STPG3: variants seen among roughly 807,000 people sequenced by gnomAD.
STPG3 encodes protein STPG3.
STPG3 carries 39 observed loss-of-function variants against 32.5 expected under a neutral mutation model. The ratio of observed to expected loss-of-function variants is 1.20; its 90% CI spans 0.93 to 1.57. The LOEUF is 1.57. STPG3 is among the 40% of genes most tolerant of loss of function. The pLI is 0.00. For missense variants in STPG3, 507 were observed against 407.6 expected, an observed-to-expected ratio of 1.24 and a Z score of -2.10; for synonymous variants, 209 against 172.4, an observed-to-expected ratio of 1.21 and a Z score of -1.66.
chr9:137,252,054 A>G lies in STPG3; in HGVS notation c.322A>G (p.Arg108Gly). 1 of 1,612,986 alleles carries G rather than the reference A, an allele frequency of 6.2e-7. No homozygotes were observed. Among genetic ancestry groups the G allele is most frequent in the South Asian group, 1.1e-5 (1 of 91,042 alleles). ...TADLEVPSPT[R>G]YQVPSPSVRE... ...TGACCTGGAAGTCCCCAGCCCCACCAGGTACCAGGTGCCGAGCCCGTCCGT... is the reference window on the plus strand; with the variant it reads ...TGACCTGGAAGTCCCCAGCCCCACCGGGTACCAGGTGCCGAGCCCGTCCGT... The change falls in exon 3 of 6, where the codon AGG becomes GGG. Residue 108 changes from arginine to glycine, a missense_variant. Arg to Gly is a moderately radical substitution (Grantham distance 125, BLOSUM62 -2). Coordinates refer to ENST00000412566, the MANE Select transcript of STPG3 (RefSeq NM_001004353.4).
intron 4 of STPG3, 63 bp from the exon 5 acceptor site, chr9:137,252,599 G>T: frequency 6.6e-7 from 1 of 1,514,760 alleles, no homozygotes; most frequent in Non-Finnish European, 8.9e-7. Context: ...GGGCCAAAGG[G>T]GGGCTGGCTG....
Position 137,252,516 on chromosome 9 carries a change from A to C in STPG3, c.483A>C (p.Gln161His). The C allele has an allele frequency of 6.5e-7, 1 of 1,548,024 alleles. No homozygotes were observed. The highest frequency in any genetic ancestry group is 8.8e-7 in the Non-Finnish European group (1 of 1,140,754). ...TCACGCAGAAAGCTGACTTCGACCA[A>C]GAGCAAAAGGTTGGGGGCTGGGCAG... ...SPFTQKADFD[Q>H]EQKWPSPAHY... Residue 161 changes from glutamine to histidine, a missense_variant, in exon 4 of 6, where the codon CAA (glutamine) becomes CAC (histidine). Coordinates refer to ENST00000412566, the MANE Select transcript of STPG3 (RefSeq NM_001004353.4).
Position 137,252,467 on chromosome 9 carries a change from T to TG in STPG3, c.435dup (p.Trp146ValfsTer13). The TG allele has an allele frequency of 6.2e-7, 1 of 1,610,406 alleles. No homozygotes were observed. The highest frequency in any genetic ancestry group is 8.5e-7 in the Non-Finnish European group (1 of 1,178,716). On this transcript the variant is annotated frameshift_variant, in exon 4 of 6. Coordinates refer to ENST00000412566, the MANE Select transcript of STPG3 (RefSeq NM_001004353.4). LOFTEE classifies it high-confidence loss of function. ...GGTGGCCGCAGGGCATGGCAGACTT[T>TG]GTGGTTCCAGAGCGAAAGCCCCTTC...
Position 137,251,415 on chromosome 9 carries a change from G to A in STPG3, c.110+19G>A. The A allele has an allele frequency of 2.5e-6, 4 of 1,579,560 alleles. No homozygotes were observed. Among genetic ancestry groups the A allele is most frequent in the Non-Finnish European group, 3.5e-6 (4 of 1,151,978 alleles). ...CCACCCAGTAACTGGCGGAGAGGGGGAGAAGGGGCGGGCCAGCTGGGAGTG... is the reference window on the plus strand; with the variant it reads ...CCACCCAGTAACTGGCGGAGAGGGGAAGAAGGGGCGGGCCAGCTGGGAGTG... On this transcript the variant is annotated intron_variant, in intron 1 of 5. Transcript: ENST00000412566.
Position 137,253,381 on chromosome 9 carries a change from CT to C in STPG3, c.*137del, listed in dbSNP as rs1231267953. 7 of 1,514,892 alleles carry C rather than the reference CT, an allele frequency of 4.6e-6. No individual in the cohort carries two copies. In the East Asian group the frequency reaches 1.9e-4, roughly 41 times the overall value. 93.8% of individuals were successfully genotyped at this position (1,514,892 alleles called of 1,614,324 possible). A position where few individuals can be genotyped will look rare whatever the true frequency, so the allele number is the denominator to read the frequency against. ...CCTCTGGGCACCCCGATGCACCCTTCTGGCTGGCCAACCCTTCTATGGGCTG... is the reference window on the plus strand; with the variant it reads ...CCTCTGGGCACCCCGATGCACCCTTCGGCTGGCCAACCCTTCTATGGGCTG... On this transcript the variant is annotated 3_prime_UTR_variant, in exon 6 of 6. Transcript: ENST00000412566.
intron 1 of STPG3, 90 bp downstream of exon 1, chr9:137,251,486 C>A: frequency 9.1e-7 from 1 of 1,095,936 alleles, no homozygotes; most frequent in Non-Finnish European, 1.3e-6. Flanking sequence ...GCTGGGCAGG[C>A]GGCTGGGGGA....
chr9:137,252,126 C>G lies in STPG3; in HGVS notation c.394C>G (p.Gln132Glu). Reference sequence around the variant, plus strand: ...CCACTACAGCATCGGCTGCAAGCACCAGGGCCGAGGTGTGTGTCCCCTCCC... The same window carrying G: ...CCACTACAGCATCGGCTGCAAGCACGAGGGCCGAGGTGTGTGTCCCCTCCC... ...HPHYSIGCKHQGREGGGRRAW... is the reference protein window; with the variant it reads ...HPHYSIGCKHEGREGGGRRAW... The change falls in exon 3 of 6, where the codon CAG becomes GAG. Residue 132 changes from glutamine to glutamate, a missense_variant. Physicochemically the swap from Gln to Glu is conservative, Grantham distance 29. Transcript: ENST00000412566. 1.2e-6 allele frequency: 2 copies of G among 1,610,382 alleles called. No individual in the cohort carries two copies. The highest frequency in any genetic ancestry group is 1.7e-6 in the Non-Finnish European group (2 of 1,179,324).
intron 1 of STPG3, 127 bp from the exon 2 acceptor site, chr9:137,251,611 G>C: frequency 8.2e-7 from 1 of 1,217,960 alleles, no homozygotes; most frequent in Non-Finnish European, 1.1e-6. Flanking sequence ...GGACAGTGTG[G>C]GGACAGGCTG....
At position 137,252,707 on chromosome 9, in the gene STPG3, C is replaced by A. The variant is rs1254086709; in HGVS notation, c.538C>A (p.Pro180Thr). 1 of 1,552,956 alleles carries A rather than the reference C, an allele frequency of 6.4e-7. No homozygotes were observed. The highest frequency in any genetic ancestry group is 1.7e-4 in the Middle Eastern group (1 of 5,986). Residue 180 changes from proline to threonine, a missense_variant, in exon 5 of 6, where the codon CCC becomes ACC. Physicochemically the swap from Pro to Thr is conservative, Grantham distance 38. Transcript: ENST00000412566. Reference sequence around the variant, plus strand: ...CCAGCTGCTCAGCCGGCCCGCCTTCCCCGCCTTCAGCTTCAGAGGCTGCCA... The same window carrying A: ...CCAGCTGCTCAGCCGGCCCGCCTTCACCGCCTTCAGCTTCAGAGGCTGCCA... ...HYQLLSRPAFPAFSFRGCHSA... is the reference protein window; with the variant it reads ...HYQLLSRPAFTAFSFRGCHSA...
rs771072539 is a variant in STPG3 at position 137,253,395 on chromosome 9, C to G, written c.*150C>G. 448 of 1,491,606 alleles carry G rather than the reference C, an allele frequency of 3.0e-4. No individual in the cohort carries two copies. Among genetic ancestry groups the G allele is most frequent in the Non-Finnish European group, 3.8e-4 (433 of 1,125,584 alleles). The allele number at this position is 1,491,606 out of a possible 1,614,324, so 92.4% of individuals were successfully genotyped here. ...GATGCACCCTTCTGGCTGGCCAACC[C>G]TTCTATGGGCTGTGGACAAGGCTGG... On this transcript the variant is annotated 3_prime_UTR_variant, in exon 6 of 6. Transcript: ENST00000412566.
rs769364642 is a variant in STPG3, at chr9:137,252,922, C to G, written c.753C>G (p.Phe251Leu). The change falls in exon 5 of 6, where the codon TTC (phenylalanine) becomes TTG (leucine). Residue 251 changes from phenylalanine (F) to leucine (L), a missense_variant. By Grantham distance (22) the Phe-to-Leu change is conservative. Transcript: ENST00000412566. ...TGCAGAGCCCCCGCTCGCCGGCCTT[C>G]TCGATGAGCCGCTCCCCTGCGTTCA... Reference protein sequence around the residue: ...SRLQSPRSPAFSMSRSPAFTS... With the variant: ...SRLQSPRSPALSMSRSPAFTS... 7 of 1,600,102 alleles carry G rather than the reference C, an allele frequency of 4.4e-6. No individual in the cohort carries two copies. Among genetic ancestry groups the G allele is most frequent in the Non-Finnish European group, 5.1e-6 (6 of 1,174,046 alleles).
intron 5 of STPG3, 53 bp from the exon 6 acceptor site, chr9:137,253,062 G>A (rs535888751): frequency 6.5e-7 from 1 of 1,541,176 alleles, no homozygotes; most frequent in East Asian, 2.3e-5. Context: ...TGGGAGCCAG[G>A]TTTGAGTTGG....
intron 3 of STPG3, 143 bp from the exon 4 acceptor site, chr9:137,252,293 AG>A: frequency 7.6e-7 from 1 of 1,319,988 alleles, no homozygotes. Context: ...GCCTGGAGAG[AG>A]GAGGGCTAGG....
chr9:137,252,372 T>C, intron 3 of STPG3, 65 bp from the exon 4 acceptor site: 2 of 1,519,982 alleles, frequency 1.3e-6, no homozygotes, highest in East Asian at 2.3e-5. Context: ...GGGAGACAGG[T>C]TCGAGTGGGG....
In STPG3 at chr9:137,252,909, G is replaced by C. The variant is rs748246080; in HGVS notation, c.740G>C (p.Arg247Pro). The change falls in exon 5 of 6, where the codon CGC (arginine) becomes CCC (proline). Residue 247 changes from arginine to proline, a missense_variant. Physicochemically the swap from Arg to Pro is moderately radical, Grantham distance 103. Coordinates refer to ENST00000412566, the MANE Select transcript of STPG3 (RefSeq NM_001004353.4). ...ILPGSRLQSP[R>P]SPAFSMSRSP... Reference sequence around the variant, plus strand: ...CCTGGGAGCCGCCTGCAGAGCCCCCGCTCGCCGGCCTTCTCGATGAGCCGC... The same window carrying C: ...CCTGGGAGCCGCCTGCAGAGCCCCCCCTCGCCGGCCTTCTCGATGAGCCGC... 6.3e-7 allele frequency: 1 copy of C among 1,598,584 alleles called. No individual in the cohort carries two copies. The highest frequency in any genetic ancestry group is 1.7e-5 in the Admixed American group (1 of 58,146).
rs1350071460 is a variant in STPG3 at position 137,253,264 on chromosome 9, T to C, written c.*19T>C. On this transcript the variant is annotated 3_prime_UTR_variant, in exon 6 of 6. Transcript: ENST00000412566. ...GCTCTAGAGCCAGCTGGGCACAACC[T>C]GCTTGGCCCGGCCACCGAGTGGAAC... 1.9e-6 allele frequency: 3 copies of C among 1,597,564 alleles called. No individual in the cohort carries two copies. Among genetic ancestry groups the C allele is most frequent in the Non-Finnish European group, 2.6e-6 (3 of 1,172,802 alleles).
Position 137,251,759 on chromosome 9 carries a change from G to C in STPG3, c.132G>C (p.Leu44Phe), listed in dbSNP as rs373392997. 29 of 1,577,058 alleles carry C rather than the reference G, an allele frequency of 1.8e-5. No homozygotes were observed. Among genetic ancestry groups the C allele is most frequent in the African/African-American group, 2.7e-5 (2 of 73,986 alleles). ...GCAGGCCCAAGGCATCTGTGCTGTTGTTGGGCCCGGAGCCGGGGATGGCCT... is the reference window on the plus strand; with the variant it reads ...GCAGGCCCAAGGCATCTGTGCTGTTCTTGGGCCCGGAGCCGGGGATGGCCT... ...EPTQPKASVL[L>F]LGPEPGMAWD... Residue 44 changes from leucine to phenylalanine, a missense_variant, in exon 2 of 6, where the codon TTG becomes TTC. Transcript: ENST00000412566.
Position 137,252,056 on chromosome 9 carries a change from G to T in STPG3, c.324G>T (p.Arg108Ser). The change falls in exon 3 of 6, where the codon AGG becomes AGT. Residue 108 changes from arginine (R) to serine (S), a missense_variant. By Grantham distance (110) the Arg-to-Ser change is moderately radical. Coordinates refer to ENST00000412566, the MANE Select transcript of STPG3 (RefSeq NM_001004353.4). ...ACCTGGAAGTCCCCAGCCCCACCAG[G>T]TACCAGGTGCCGAGCCCGTCCGTAC... ...TADLEVPSPT[R>S]YQVPSPSVRE... is the part of the protein sequence containing the mutation. 1 of 1,613,124 alleles carries T rather than the reference G, an allele frequency of 6.2e-7. No homozygotes were observed. Among genetic ancestry groups the T allele is most frequent in the Non-Finnish European group, 8.5e-7 (1 of 1,179,758 alleles).
intron 3 of STPG3, 71 bp from the exon 4 acceptor site, chr9:137,252,366 G>A (rs1837382721): frequency 1.3e-6 from 2 of 1,495,964 alleles, no homozygotes; most frequent in Admixed American, 1.9e-5. Flanking sequence ...GGAACCGGGA[G>A]ACAGGTTCGA....
Sources: gnomAD v4.1 joint callset for allele counts on GRCh38, gnomAD v4.1.1 for gene constraint, MANE v1.5 for transcripts, NCBI Gene and HGNC (gene_info 2026-07-23, HGNC 2026-07-21) for gene names.